MOXD1: variants seen among roughly 807,000 people sequenced by gnomAD.
The protein encoded by MOXD1 is monooxygenase DBH like 1.
In MOXD1, 62 loss-of-function variants were observed where a neutral mutation model predicts 66.6. That is an observed-to-expected ratio of 0.93 (90% CI 0.76 to 1.15). The LOEUF is 1.15. Ranked by LOEUF, MOXD1 falls within the 50% of genes most tolerant of loss-of-function variation. The pLI, the probability that MOXD1 is intolerant of heterozygous loss-of-function variation, is 0.00. For missense variants in MOXD1, 847 were observed against 754.6 expected (o/e 1.12, Z -1.44); for synonymous variants, 303 against 281.9 (o/e 1.07, Z -0.75).
rs191171142 is a variant in MOXD1 at position 132,362,073 on chromosome 6, G to T, written c.663+10535C>A. Among the ~76,000 whole-genome samples, 34 of 151,962 alleles carry T rather than the reference G, an allele frequency of 2.2e-4. No individual in the cohort carries two copies. In the East Asian group the frequency reaches 6.0e-3, roughly 27 times the overall value. The stretch of plus-strand genomic sequence containing the variant: ...TATAAAAACTATTAAAAATTTCATT[G>T]TTGTATCATAGGGCAACAGATATCT... On this transcript the variant is annotated intron_variant, in intron 4 of 11. Coordinates refer to ENST00000367963, the MANE Select transcript of MOXD1 (RefSeq NM_015529.4).
intron 1 of MOXD1, among the ~76,000 whole-genome samples, chr6:132,386,207 C>G (rs1324037701): frequency 6.8e-6 from 1 of 146,032 alleles, no homozygotes. Flanking sequence ...TCAAGACCAT[C>G]CTGGCTAACA....
chr6:132,393,368 G>C (rs2114696188), intron 1 of MOXD1, among the ~76,000 whole-genome samples: 1 of 152,286 alleles, frequency 6.6e-6, no homozygotes, highest in East Asian at 1.9e-4. Context: ...TCATCTGAGA[G>C]AGAATACTGG....
At chr6:132,326,710 G>A (rs1775194746) in intron 6 of MOXD1, among the ~76,000 whole-genome samples, 2 of 152,040 alleles carry the variant, frequency 1.3e-5, no homozygotes, top group Admixed American at 1.3e-4. Context: ...ATAGATTCAT[G>A]GTTCAGAGTA....
At chr6:132,336,107 C>T (rs911623873) in intron 4 of MOXD1, among the ~76,000 whole-genome samples, 5 of 152,024 alleles carry the variant, frequency 3.3e-5, no homozygotes, top group Non-Finnish European at 2.9e-5. Context: ...CATGAGAGGA[C>T]GAGTGGAACA....
At chr6:132,393,767 G>A (rs1776817456) in intron 1 of MOXD1, among the ~76,000 whole-genome samples, 1 of 152,106 alleles carries the variant, frequency 6.6e-6, no homozygotes, top group Non-Finnish European at 1.5e-5. Context: ...CATATCCCTG[G>A]AGCCCAACTG....
chr6:132,343,331 T>A (rs1300213396), intron 4 of MOXD1, among the ~76,000 whole-genome samples: 1 of 152,192 alleles, frequency 6.6e-6, no homozygotes, highest in East Asian at 1.9e-4. Context: ...TCCCATCACT[T>A]TGGGAGACTG....
At chr6:132,337,157 A>C (rs1252331140) in intron 4 of MOXD1, among the ~76,000 whole-genome samples, 4 of 152,206 alleles carry the variant, frequency 2.6e-5, no homozygotes, top group African/African-American at 7.2e-5. Context: ...TATTTACTCA[A>C]GTTTTCCTCT....
At chr6:132,317,213 C>A (rs1309098418) in intron 9 of MOXD1, among the ~76,000 whole-genome samples, 1 of 152,036 alleles carries the variant, frequency 6.6e-6, no homozygotes, top group African/African-American at 2.4e-5. Context: ...CTTTCGAAAA[C>A]AAAGGTGAAA....
chr6:132,390,319 A>G (rs1776733813), intron 1 of MOXD1: 1 of 151,560 alleles, frequency 6.6e-6, no homozygotes, highest in Non-Finnish European at 1.5e-5. Context: ...TGTACACACT[A>G]TGGTTAACGT....
intron 1 of MOXD1, among the ~76,000 whole-genome samples, chr6:132,396,019 A>C (rs554154429): frequency 1.3e-5 from 2 of 152,308 alleles, no homozygotes; most frequent in African/African-American, 4.8e-5. Flanking sequence ...TTGGATTTAA[A>C]TTACACATTA....
intron 10 of MOXD1, among the ~76,000 whole-genome samples, chr6:132,299,839 T>C (rs921422929): frequency 6.6e-6 from 1 of 152,060 alleles, no homozygotes; most frequent in African/African-American, 2.4e-5. Context: ...AGCTGAAGAA[T>C]ATACATTAAT....
chr6:132,370,568 C>T (rs191626054), intron 4 of MOXD1, among the ~76,000 whole-genome samples: 1 of 152,168 alleles, frequency 6.6e-6, no homozygotes, highest in East Asian at 1.9e-4. Context: ...GGTATTCTCA[C>T]ATAATAATAG....
chr6:132,350,655 A>G (rs1775783831), intron 4 of MOXD1, among the ~76,000 whole-genome samples: 1 of 152,114 alleles, frequency 6.6e-6, no homozygotes, highest in South Asian at 2.1e-4. Flanking sequence ...AATTCTGTGA[A>G]GAAAGAATGA....
intron 1 of MOXD1, among the ~76,000 whole-genome samples, chr6:132,398,421 A>C (rs1484234687): frequency 2.0e-5 from 3 of 152,208 alleles, no homozygotes; most frequent in Admixed American, 2.0e-4. Flanking sequence ...ATAAAATAAA[A>C]TACATGCCAA....
At chr6:132,355,056 C>T (rs1775885665) in intron 4 of MOXD1, among the ~76,000 whole-genome samples, 1 of 152,176 alleles carries the variant, frequency 6.6e-6, no homozygotes, top group African/African-American at 2.4e-5. Flanking sequence ...GGCTTGAGAA[C>T]TTGCCCCAGA....
chr6:132,351,336 A>G (rs1205357132), intron 4 of MOXD1, among the ~76,000 whole-genome samples: 1 of 151,996 alleles, frequency 6.6e-6, no homozygotes, highest in Non-Finnish European at 1.5e-5. Context: ...CTTTGCTAAG[A>G]GTTTTAATCG....
chr6:132,386,340 T>G (rs1776637369), intron 1 of MOXD1, among the ~76,000 whole-genome samples: 1 of 148,130 alleles, frequency 6.8e-6, no homozygotes, highest in Admixed American at 6.9e-5. Context: ...AGGCGGAGCT[T>G]GCAGTGAGCC....
chr6:132,312,792 C>T lies in MOXD1; in HGVS notation c.1508+2843G>A, dbSNP rs547142047. ...GAGAGCCGAACATTTTTAGAGGCTT[C>T]ATACCATTTAAACTTAAAAAAAAAA... is the stretch of plus-strand genomic sequence containing the variant. On this transcript the variant is annotated intron_variant, in intron 10 of 11. Coordinates refer to ENST00000367963, the MANE Select transcript of MOXD1 (RefSeq NM_015529.4). Among the ~76,000 whole-genome samples the T allele has an allele frequency of 2.6e-4, 39 of 150,380 alleles. No individual in the cohort carries two copies. In the South Asian group the frequency reaches 8.2e-3, roughly 32 times the overall value.
Position 132,328,022 on chromosome 6 carries a change from A to T in MOXD1, c.937T>A (p.Tyr313Asn). ...LLEVHYDNPT[Y>N]EEGLIDNSGL... ...TGAATAATAAACTCACCTTCCTCAT[A>T]AGTGGGATTATCATAATGGACTTCT... is the stretch of plus-strand genomic sequence containing the variant. The change falls in exon 6 of 12, where the codon TAT becomes AAT. Residue 313 changes from tyrosine (Y) to asparagine (N), a missense_variant. By Grantham distance (143) the Tyr-to-Asn change is moderately radical. Coordinates refer to ENST00000367963, the MANE Select transcript of MOXD1 (RefSeq NM_015529.4). 6.2e-7 allele frequency: 1 copy of T among 1,610,842 alleles called. No homozygotes were observed. Among genetic ancestry groups the T allele is most frequent in the Non-Finnish European group, 8.5e-7 (1 of 1,177,282 alleles).
Sources: gnomAD v4.1 joint callset for allele counts (sites outside exome capture counted in the v4.1 genomes callset) on GRCh38, gnomAD v4.1.1 for gene constraint, MANE v1.5 for transcripts, NCBI Gene and HGNC (gene_info 2026-07-23, HGNC 2026-07-21) for gene names.